ZC3H6: variants seen among roughly 807,000 people sequenced by gnomAD.
ZC3H6 encodes zinc finger CCCH-type containing 6, also known as zinc finger CCCH domain-containing protein 6.
Under a neutral mutation model 107.7 loss-of-function variants are expected in ZC3H6, and 40 were observed. The observed-to-expected ratio is 0.37, with a 90% confidence interval of 0.29 to 0.48. The LOEUF is 0.48. Ranked by LOEUF, ZC3H6 falls within the 20% of genes least tolerant of loss-of-function variation. ZC3H6 has a pLI of 0.98. For synonymous variants in ZC3H6, 493 were observed against 487.9 expected (o/e 1.01, Z -0.14); for missense variants, 1,267 against 1,410.4 (o/e 0.90, Z 1.63).
At chr2:112,292,838 C>A (rs984586759) in intron 1 of ZC3H6, among the ~76,000 whole-genome samples, 4 of 152,072 alleles carry the variant, frequency 2.6e-5, no homozygotes, top group Non-Finnish European at 5.9e-5. Flanking sequence ...GTTTTGTAAC[C>A]CCCATCCAGG....
intron 1 of ZC3H6, among the ~76,000 whole-genome samples, chr2:112,279,199 C>T (rs894763242): frequency 6.6e-5 from 10 of 152,168 alleles, no homozygotes; most frequent in Admixed American, 5.9e-4. Flanking sequence ...TCTCGTCGTT[C>T]AGTTCTTTTT....
chr2:112,299,659 C>T (rs1161801602), intron 1 of ZC3H6, among the ~76,000 whole-genome samples, 190 bp from the exon 2 acceptor site: 3 of 152,116 alleles, frequency 2.0e-5, no homozygotes, highest in Admixed American at 6.5e-5. Context: ...AAGACGAATT[C>T]GCAACAGAAA....
Position 112,332,681 on chromosome 2 carries a change from G to T in ZC3H6, c.*193G>T. 2.2e-6 allele frequency: 1 copy of T among 451,930 alleles called. No homozygotes were observed. The highest frequency in any genetic ancestry group is 3.7e-6 in the Non-Finnish European group (1 of 272,982). The allele number at this position is 451,930 out of a possible 1,614,324, so 28.0% of individuals were successfully genotyped here. A position where few individuals can be genotyped will look rare whatever the true frequency, so the allele number is the denominator to read the frequency against. ...ATATAATATTTTTATAACTTTAAGA[G>T]ACTGTAGTAATTGACCTAAAAACTT... On this transcript the variant is annotated 3_prime_UTR_variant, in exon 12 of 12. Transcript: ENST00000409871.
In ZC3H6 at chr2:112,332,432, A is replaced by C; in HGVS notation, c.3514A>C (p.Lys1172Gln). Residue 1172 changes from lysine (K) to glutamine (Q), a missense_variant, in exon 12 of 12, where the codon AAA becomes CAA. Lys to Gln is a moderately conservative substitution (Grantham distance 53, BLOSUM62 1). This residue lies in a region of ZC3H6 where 925 missense variants were observed against 1,025.7 expected (regional missense o/e 0.90). Transcript: ENST00000409871. ...TGATCCCGGTAGAGAAACAGATGAC[A>C]AATCTCTGAAAGAGGTTTTTAAAAC... ...DNDPGRETDD[K>Q]SLKEVFKTFD... 6.2e-7 allele frequency: 1 copy of C among 1,611,244 alleles called. No individual in the cohort carries two copies. The highest frequency in any genetic ancestry group is 8.5e-7 in the Non-Finnish European group (1 of 1,179,426).
Position 112,310,000 on chromosome 2 carries a change from A to G in ZC3H6, c.452A>G (p.Tyr151Cys), listed in dbSNP as rs1239211027. 2.5e-6 allele frequency: 4 copies of G among 1,613,660 alleles called. No homozygotes were observed. The highest frequency in any genetic ancestry group is 1.7e-4 in the Middle Eastern group (1 of 6,058). ...TACAGTGATGACAACTTCGGTAACT[A>G]CAGTGATGACAACTTTGGTAACTAC... is the stretch of plus-strand genomic sequence containing the variant. ...STYSDDNFGN[Y>C]SDDNFGNYGQ... The change falls in exon 4 of 12, where the codon TAC becomes TGC. Residue 151 changes from tyrosine (Y) to cysteine (C), a missense_variant. By Grantham distance (194) the Tyr-to-Cys change is radical (BLOSUM62 -2). This residue lies in a region of ZC3H6 where 337 missense variants were observed against 361.2 expected (regional missense o/e 0.93). Transcript: ENST00000409871.
At chr2:112,286,798 G>A (rs951086670) in intron 1 of ZC3H6, among the ~76,000 whole-genome samples, 50 of 152,316 alleles carry the variant, frequency 3.3e-4, no homozygotes, top group Non-Finnish European at 6.9e-4. Flanking sequence ...CTCTGACCAT[G>A]TGACATTCAG....
chr2:112,306,021 CTATT>C lies in ZC3H6; in HGVS notation c.336+2671_336+2674del, dbSNP rs528593468. Among the ~76,000 whole-genome samples, 9 of 152,246 alleles carry C rather than the reference CTATT, an allele frequency of 5.9e-5. No homozygotes were observed. In the South Asian group the frequency reaches 1.7e-3, roughly 28 times the overall value. The stretch of plus-strand genomic sequence containing the variant: ...GAGTGTAATTTGCCTTTAAACCTAT[CTATT>C]AAGTATTTTTCATACGTAGAAATTT... On this transcript the variant is annotated intron_variant, in intron 3 of 11. Coordinates refer to ENST00000409871, the MANE Select transcript of ZC3H6 (RefSeq NM_198581.3).
intron 1 of ZC3H6, among the ~76,000 whole-genome samples, chr2:112,296,126 A>G (rs147503303): frequency 6.6e-6 from 1 of 152,324 alleles, no homozygotes; most frequent in South Asian, 2.1e-4. Context: ...TAATGTATAT[A>G]TAGTAATCAC....
intron 1 of ZC3H6, among the ~76,000 whole-genome samples, chr2:112,291,154 C>G (rs1292079675): frequency 1.3e-5 from 2 of 152,244 alleles, no homozygotes; most frequent in African/African-American, 4.8e-5. Flanking sequence ...GTAAGCTAAT[C>G]TCAGTTTTAG....
In ZC3H6 at chr2:112,322,912, AAACTTT is replaced by A. The variant is rs1676832601; in HGVS notation, c.1340+11_1340+16del. 6.4e-7 allele frequency: 1 copy of A among 1,565,116 alleles called. No individual in the cohort carries two copies. ...ATAAAATTGGGAGGAAGTAAGTGAA[AAACTTT>A]CAAAATGACATCAAATATTTTTTTC... On this transcript the variant is annotated intron_variant, in intron 9 of 11. Transcript: ENST00000409871.
chr2:112,297,607 A>G (rs896846719), intron 1 of ZC3H6, among the ~76,000 whole-genome samples: 2 of 152,210 alleles, frequency 1.3e-5, no homozygotes, highest in Non-Finnish European at 2.9e-5. Context: ...ATAAAATGTC[A>G]TAATCAATAT....
intron 1 of ZC3H6, among the ~76,000 whole-genome samples, chr2:112,280,685 A>G (rs1325023615): frequency 1.3e-5 from 2 of 152,154 alleles, no homozygotes; most frequent in African/African-American, 2.4e-5. Flanking sequence ...TCATGGCATA[A>G]CTAGACCTGG....
At chr2:112,301,636 C>T (rs561618018) in intron 2 of ZC3H6, among the ~76,000 whole-genome samples, 1 of 151,738 alleles carries the variant, frequency 6.6e-6, no homozygotes, top group Non-Finnish European at 1.5e-5. Context: ...AGAAAGCATG[C>T]CCACAAAGCA....
intron 1 of ZC3H6, chr2:112,286,356 A>G: frequency 4.6e-6 from 1 of 218,884 alleles, no homozygotes; most frequent in Non-Finnish European, 9.1e-6. Flanking sequence ...TTCCAAAAAT[A>G]TGTCCTGTTC....
chr2:112,317,353 ATGTT>A, intron 7 of ZC3H6, 21 bp downstream of exon 7: 1 of 1,289,042 alleles, frequency 7.8e-7, no homozygotes, highest in African/African-American at 1.5e-5. Flanking sequence ...TTTAAAATGT[ATGTT>A]AAATAAAATG....
chr2:112,304,228 T>C (rs2104708217), intron 3 of ZC3H6, among the ~76,000 whole-genome samples: 1 of 152,360 alleles, frequency 6.6e-6, no homozygotes, highest in East Asian at 1.9e-4. Context: ...CTTTCAATTT[T>C]ATTCTTTCTG....
Position 112,331,972 on chromosome 2 carries a change from C to T in ZC3H6, c.3054C>T (p.Ser1018=), listed in dbSNP as rs533530469. The change falls in exon 12 of 12, where the codon TCC becomes TCT. Residue 1018 remains serine (S), a synonymous_variant. Coordinates refer to ENST00000409871, the MANE Select transcript of ZC3H6 (RefSeq NM_198581.3). ...PSGAGTSNSG[S]GALPPYAPKL... is the part of the protein sequence containing the mutation. Reference sequence around the variant, plus strand: ...GGGCAGGAACTAGCAATTCTGGTTCCGGGGCTCTGCCTCCATATGCCCCTA... The same window carrying T: ...GGGCAGGAACTAGCAATTCTGGTTCTGGGGCTCTGCCTCCATATGCCCCTA... The T allele has an allele frequency of 2.6e-5, 42 of 1,613,980 alleles. No individual in the cohort carries two copies. The highest frequency in any genetic ancestry group is 6.7e-5 in the East Asian group (3 of 44,876).
At chr2:112,283,179 G>A (rs1020157073) in intron 1 of ZC3H6, among the ~76,000 whole-genome samples, 8 of 152,046 alleles carry the variant, frequency 5.3e-5, no homozygotes, top group African/African-American at 1.7e-4. Context: ...GGTTCTGGGA[G>A]GTGGTATTTG....
At chr2:112,303,170 A>G (rs1370996226) in intron 2 of ZC3H6, 59 bp from the exon 3 acceptor site, 36 of 1,562,566 alleles carry the variant, frequency 2.3e-5, no homozygotes, top group Non-Finnish European at 3.0e-5. Flanking sequence ...TTATCTAATT[A>G]CTAGTTAAAT....
Sources: gnomAD v4.1 joint callset for allele counts (sites outside exome capture counted in the v4.1 genomes callset) on GRCh38, gnomAD v4.1.1 for gene constraint, gnomAD v4.1.1 regional missense constraint, MANE v1.5 for transcripts, NCBI Gene and HGNC (gene_info 2026-07-23, HGNC 2026-07-21) for gene names.